The following STXBP5L variants were observed in gnomAD, a reference collection of about 807,000 sequenced individuals.
STXBP5L encodes the protein syntaxin-binding protein 5-like.
Under a neutral mutation model 144.5 loss-of-function variants are expected in STXBP5L, and 65 were observed. The observed-to-expected ratio is 0.45, with a 90% CI of 0.37 to 0.55. The LOEUF (loss-of-function observed/expected upper bound fraction) is 0.55. Ranked by LOEUF, STXBP5L falls within the 20% of genes least tolerant of loss-of-function variation. The probability of loss-of-function intolerance (pLI) is 0.00; values close to 1 mark genes in which losing one functional copy is unlikely to be tolerated. For missense variants in STXBP5L, 1,298 were observed against 1,405.5 expected (o/e 0.92, Z 1.22); for synonymous variants, 505 against 469.6 (o/e 1.08, Z -0.97).
In STXBP5L at chr3:121,318,487, T is replaced by A; in HGVS notation, c.2123T>A (p.Leu708Gln). 1.3e-6 allele frequency: 2 copies of A among 1,562,008 alleles called. No individual in the cohort carries two copies. Among genetic ancestry groups the A allele is most frequent in the Non-Finnish European group, 1.7e-6 (2 of 1,156,342 alleles). Residue 708 changes from leucine to glutamine, a missense_variant, in exon 20 of 27, where the codon CTG (leucine) becomes CAG (glutamine). By Grantham distance (113) the Leu-to-Gln change is moderately radical. Transcript: ENST00000471454. Reference sequence around the variant, plus strand: ...ATTGTATTTTCAGGTTTAACTGAACTGAATGACAGTCCAGTTCCCCTAGAA... The same window carrying A: ...ATTGTATTTTCAGGTTTAACTGAACAGAATGACAGTCCAGTTCCCCTAGAA... ...NKQFIAGLTELNDSPVPLELE... is the reference protein window; with the variant it reads ...NKQFIAGLTEQNDSPVPLELE...
intron 3 of STXBP5L, among the ~76,000 whole-genome samples, chr3:121,030,834 G>C (rs531653552): frequency 6.6e-6 from 1 of 151,928 alleles, no homozygotes; most frequent in African/African-American, 2.4e-5. Flanking sequence ...AAATTCAATG[G>C]CTTTTTAAAC....
At chr3:121,062,173 G>T (rs953188789) in intron 5 of STXBP5L, among the ~76,000 whole-genome samples, 1 of 152,102 alleles carries the variant, frequency 6.6e-6, no homozygotes, top group African/African-American at 2.4e-5. Flanking sequence ...GGAAGCTTTT[G>T]TAAGGCAGGC....
At chr3:121,161,059 T>C (rs988889951) in intron 9 of STXBP5L, among the ~76,000 whole-genome samples, 2 of 152,098 alleles carry the variant, frequency 1.3e-5, no homozygotes, top group African/African-American at 4.8e-5. Flanking sequence ...TTGCTTTAAA[T>C]CATCATGTCT....
intron 3 of STXBP5L, among the ~76,000 whole-genome samples, chr3:120,989,398 C>A (rs553648264): frequency 6.6e-6 from 1 of 152,174 alleles, no homozygotes; most frequent in African/African-American, 2.4e-5. Flanking sequence ...TATTGAGTAT[C>A]TTTTCATATG....
chr3:121,231,316 T>G (rs1421487885), intron 11 of STXBP5L, among the ~76,000 whole-genome samples: 1 of 152,232 alleles, frequency 6.6e-6, no homozygotes, highest in Non-Finnish European at 1.5e-5. Flanking sequence ...TTGCCCTTCC[T>G]GGACTTGAAT....
At chr3:120,913,625 A>T (rs1037920198) in intron 2 of STXBP5L, among the ~76,000 whole-genome samples, 2 of 152,036 alleles carry the variant, frequency 1.3e-5, no homozygotes, top group African/African-American at 4.8e-5. Flanking sequence ...TGGTTCTGTG[A>T]TTGGAGTTCT....
intron 3 of STXBP5L, among the ~76,000 whole-genome samples, chr3:120,969,456 C>T (rs557196692): frequency 2.7e-5 from 4 of 148,606 alleles, no homozygotes; most frequent in African/African-American, 9.9e-5. Flanking sequence ...GATACTAGTC[C>T]TTTGTTGGCT....
chr3:121,332,713 G>A (rs1170542732), intron 20 of STXBP5L, among the ~76,000 whole-genome samples: 1 of 152,068 alleles, frequency 6.6e-6, no homozygotes, highest in Non-Finnish European at 1.5e-5. Flanking sequence ...AATAATTAAG[G>A]AAAACTTCAC....
intron 7 of STXBP5L, among the ~76,000 whole-genome samples, chr3:121,144,139 T>TAA (rs3070611): frequency 1.4e-3 from 184 of 134,522 alleles, no homozygotes; most frequent in Non-Finnish European, 1.7e-3. Flanking sequence ...AACTCAATAG[T>TAA]AAAAAAAAAA....
chr3:120,967,379 T>A (rs1939720278), intron 3 of STXBP5L, among the ~76,000 whole-genome samples: 1 of 152,138 alleles, frequency 6.6e-6, no homozygotes, highest in South Asian at 2.1e-4. Context: ...ATCTTCTGTG[T>A]CAATCACACT....
At position 121,413,263 on chromosome 3, in the gene STXBP5L, C is replaced by T. The variant is rs375332056; in HGVS notation, c.3054C>T (p.Leu1018=). Residue 1018 remains leucine, a synonymous_variant, in exon 24 of 27, where the codon CTC becomes CTT. Transcript: ENST00000471454. ...CCAATGAAGGACAGGCATTATACCT[C>T]GTCTCTCCTACTGAAATTCAGCGGT... The part of the protein sequence containing the change: ...CFTNEGQALY[L]VSPTEIQRLT... The T allele has an allele frequency of 1.4e-5, 22 of 1,607,594 alleles. No homozygotes were observed. The highest frequency in any genetic ancestry group is 4.5e-5 in the East Asian group (2 of 44,492).
chr3:121,166,435 A>G (rs2046502691), intron 9 of STXBP5L, among the ~76,000 whole-genome samples: 1 of 152,102 alleles, frequency 6.6e-6, no homozygotes, highest in East Asian at 1.9e-4. Context: ...TTTTTGTGAA[A>G]TTAATTTTCT....
chr3:121,027,547 T>C (rs73187421), intron 3 of STXBP5L, among the ~76,000 whole-genome samples: 2 of 152,220 alleles, frequency 1.3e-5, no homozygotes, highest in South Asian at 2.1e-4. Flanking sequence ...CTTTGTTCTT[T>C]GGCTCTTGGC....
At chr3:121,022,792 C>T (rs543540312) in intron 3 of STXBP5L, among the ~76,000 whole-genome samples, 3 of 152,102 alleles carry the variant, frequency 2.0e-5, no homozygotes, top group Non-Finnish European at 4.4e-5. Context: ...AACCCACAGC[C>T]AACATTATAC....
chr3:121,207,207 A>C (rs575071851), intron 10 of STXBP5L, among the ~76,000 whole-genome samples: 12 of 152,252 alleles, frequency 7.9e-5, no homozygotes, highest in Admixed American at 6.5e-5. Context: ...TCTTTGACAA[A>C]CCTGACAAAA....
At chr3:121,043,429 G>C (rs931470985) in intron 4 of STXBP5L, among the ~76,000 whole-genome samples, 3 of 151,978 alleles carry the variant, frequency 2.0e-5, no homozygotes, top group Admixed American at 1.3e-4. Flanking sequence ...TAAGAATACT[G>C]GCCGGGCGCG....
intron 3 of STXBP5L, among the ~76,000 whole-genome samples, chr3:120,976,480 C>T (rs1258158347): frequency 6.6e-6 from 1 of 152,108 alleles, no homozygotes; most frequent in Non-Finnish European, 1.5e-5. Flanking sequence ...TTTTGTTGAT[C>T]ATTTCAAAAA....
intron 9 of STXBP5L, among the ~76,000 whole-genome samples, chr3:121,192,384 T>C (rs553513540): frequency 1.3e-5 from 2 of 152,266 alleles, no homozygotes; most frequent in South Asian, 4.1e-4. Context: ...ATCATCAAAA[T>C]GGCCATACTC....
chr3:121,114,388 A>T (rs565024533), intron 5 of STXBP5L, among the ~76,000 whole-genome samples: 1 of 152,276 alleles, frequency 6.6e-6, no homozygotes, highest in South Asian at 2.1e-4. Flanking sequence ...CATAGCTACC[A>T]CTTCTCTGTG....
Sources: gnomAD v4.1 joint callset for allele counts (sites outside exome capture counted in the v4.1 genomes callset) on GRCh38, gnomAD v4.1.1 for gene constraint, MANE v1.5 for transcripts, NCBI Gene and HGNC (gene_info 2026-07-23, HGNC 2026-07-21) for gene names.